Variants in ARHGEF11 observed in about 807,000 individuals in gnomAD.
The protein encoded by ARHGEF11 is Rho guanine nucleotide exchange factor 11, also known as Rho guanine exchange factor (GEF) 11.
Under a neutral mutation model 193.7 loss-of-function variants are expected in ARHGEF11, and 55 were observed. The observed-to-expected ratio is 0.28, with a 90% CI of 0.23 to 0.36. The LOEUF (loss-of-function observed/expected upper bound fraction) is 0.36, where lower values mean the gene tolerates loss of function less well. Ranked by LOEUF, ARHGEF11 falls within the 10% of genes least tolerant of loss-of-function variation. ARHGEF11 has a pLI of 1.00. For missense variants in ARHGEF11, 1,723 were observed against 2,005.6 expected (o/e 0.86, Z 2.69); for synonymous variants, 693 against 768.0 (o/e 0.90, Z 1.62).
At chr1:156,980,307 C>A in intron 4 of ARHGEF11, 130 bp downstream of exon 4, 1 of 1,052,546 alleles carries the variant, frequency 9.5e-7, no homozygotes, top group Non-Finnish European at 1.4e-6. Flanking sequence ...TCGTATGGTA[C>A]CACTCCTAAC....
At chr1:156,945,415 C>T (rs573780172) in intron 29 of ARHGEF11, 17 of 557,952 alleles carry the variant, frequency 3.0e-5, no homozygotes, top group Admixed American at 1.0e-4. Context: ...GCTTTGAAGA[C>T]GCTGATAGCT....
chr1:156,970,170 C>A, intron 8 of ARHGEF11, 127 bp from the exon 9 acceptor site: 1 of 746,470 alleles, frequency 1.3e-6, no homozygotes, highest in South Asian at 1.7e-5. Flanking sequence ...CTCAAAAATG[C>A]CCAGCTAGAA....
At chr1:156,955,388 AGGG>A (rs1278215830) in intron 20 of ARHGEF11, among the ~76,000 whole-genome samples, 3 of 152,168 alleles carry the variant, frequency 2.0e-5, no homozygotes, top group African/African-American at 4.8e-5. Flanking sequence ...ATGAAGGTGA[AGGG>A]GGCATTTTCT....
intron 1 of ARHGEF11, among the ~76,000 whole-genome samples, chr1:156,994,159 A>G (rs1666152059): frequency 6.6e-6 from 1 of 152,152 alleles, no homozygotes. Context: ...TTAGTCTGTC[A>G]TCTCTTTTAG....
chr1:156,939,428 C>A (rs1196889263), intron 37 of ARHGEF11, 120 bp downstream of exon 37: 5 of 1,409,968 alleles, frequency 3.5e-6, no homozygotes, highest in Non-Finnish European at 4.9e-6. Context: ...CAGGACCCAG[C>A]GTAGGTCTCT....
intron 1 of ARHGEF11, among the ~76,000 whole-genome samples, chr1:156,990,474 C>T (rs1429800037): frequency 6.6e-6 from 1 of 152,182 alleles, no homozygotes; most frequent in Admixed American, 6.5e-5. Context: ...TTCCAACAAT[C>T]TCTCATCCAA....
Position 156,944,263 on chromosome 1 carries a change from C to T in ARHGEF11, c.3067+95G>A. 4.7e-6 allele frequency: 7 copies of T among 1,474,274 alleles called. No individual in the cohort carries two copies. The South Asian group carries it at 7.2e-5, about 15-fold the overall frequency. The allele number at this position is 1,474,274 out of a possible 1,614,324, so 91.3% of individuals were successfully genotyped here. On this transcript the variant is annotated intron_variant, in intron 31 of 40. Coordinates refer to ENST00000368194, the MANE Select transcript of ARHGEF11 (RefSeq NM_198236.3). ...CCCTTCCCATGTCCTGAGCTATCAC[C>T]TCCAGTCATGTTTCCATGCTTGGGA...
At chr1:157,017,706 C>CAAAAAAAAAA (rs1047573559) in intron 1 of ARHGEF11, among the ~76,000 whole-genome samples, 1 of 41,546 alleles carries the variant, frequency 2.4e-5, no homozygotes, top group Non-Finnish European at 5.2e-5. Context: ...GACTCCGTCT[C>CAAAAAAAAAA]AAAAAAAAAA....
intron 1 of ARHGEF11, among the ~76,000 whole-genome samples, chr1:157,014,910 C>T (rs1669017954): frequency 6.6e-6 from 1 of 152,154 alleles, no homozygotes; most frequent in African/African-American, 2.4e-5. Flanking sequence ...TGTAACAATG[C>T]GGACTCTCAT....
Position 156,947,030 on chromosome 1 carries a change from G to T in ARHGEF11, c.2489-15C>A, listed in dbSNP as rs199794466. Reference sequence around the variant, plus strand: ...ACACCAGGAATCTGGGGCAGGAAGAGAACAAATAGAAATGCCTGGGGTTGA... The same window carrying T: ...ACACCAGGAATCTGGGGCAGGAAGATAACAAATAGAAATGCCTGGGGTTGA... On this transcript the variant is annotated splice_polypyrimidine_tract_variant and intron_variant, in intron 26 of 40. Coordinates refer to ENST00000368194, the MANE Select transcript of ARHGEF11 (RefSeq NM_198236.3). The T allele has an allele frequency of 6.2e-7, 1 of 1,614,114 alleles. No homozygotes were observed. The highest frequency in any genetic ancestry group is 1.7e-5 in the Admixed American group (1 of 60,026).
In ARHGEF11 at chr1:156,946,784, C is replaced by G. The variant is rs768326569; in HGVS notation, c.2572G>C (p.Asp858His). ...EISDLMLARF[D>H]GPAREELQQV... ...TGGAGTTCCTCTCGGGCAGGGCCAT[C>G]AAACTGAAGAGGCAGAATGGACACG... Residue 858 changes from aspartate to histidine, a missense_variant, in exon 28 of 41, where the codon GAT becomes CAT. Physicochemically the swap from Asp to His is moderately conservative, Grantham distance 81. This residue lies in a region of ARHGEF11 where 491 missense variants were observed against 654.5 expected (regional missense o/e 0.75). Coordinates refer to ENST00000368194, the MANE Select transcript of ARHGEF11 (RefSeq NM_198236.3). 2.5e-6 allele frequency: 4 copies of G among 1,614,196 alleles called. No individual in the cohort carries two copies. Among genetic ancestry groups the G allele is most frequent in the Non-Finnish European group, 3.4e-6 (4 of 1,180,034 alleles).
chr1:156,961,835 CT>C, intron 13 of ARHGEF11, 60 bp from the exon 14 acceptor site: 2 of 1,496,380 alleles, frequency 1.3e-6, no homozygotes, highest in South Asian at 1.1e-5. Flanking sequence ...ATTTTGCCCC[CT>C]AGGGGACGTT....
At chr1:156,949,176 G>T in intron 22 of ARHGEF11, 1 of 951,162 alleles carries the variant, frequency 1.1e-6, no homozygotes. Context: ...TGTGCTTAAA[G>T]GGGCCTTTTT....
chr1:156,956,372 T>C (rs779549601), intron 19 of ARHGEF11, 48 bp downstream of exon 19: 3 of 1,599,688 alleles, frequency 1.9e-6, no homozygotes, highest in East Asian at 4.5e-5. Context: ...GCCTTGGCAT[T>C]CCAAAGTACT....
intron 3 of ARHGEF11, among the ~76,000 whole-genome samples, chr1:156,983,206 C>T (rs553245408): frequency 5.9e-5 from 9 of 151,946 alleles, no homozygotes; most frequent in African/African-American, 1.9e-4. Flanking sequence ...CACCCACTGC[C>T]TTTCTTTTTT....
In ARHGEF11 at chr1:157,027,371, G is replaced by C. The variant is rs1571565427; in HGVS notation, c.32+16928C>G. 3.3e-5 allele frequency among the ~76,000 whole-genome samples: 5 copies of C among 152,162 alleles called. No individual in the cohort carries two copies. In the South Asian group the frequency reaches 1.0e-3, roughly 32 times the overall value. On this transcript the variant is annotated intron_variant, in intron 1 of 40. Transcript: ENST00000368194. The stretch of plus-strand genomic sequence containing the variant: ...CACTCCAGTCTGGGTGACAGAGTGA[G>C]ACCCTGTCTCACACACAAAAAAAAG...
At chr1:157,042,409 T>C (rs780462661) in intron 1 of ARHGEF11, among the ~76,000 whole-genome samples, 7 of 152,076 alleles carry the variant, frequency 4.6e-5, no homozygotes, top group Non-Finnish European at 8.8e-5. Context: ...TAGTTAGACA[T>C]GATGGGGCAA....
At chr1:156,950,722 C>G (rs1212082997) in intron 22 of ARHGEF11, among the ~76,000 whole-genome samples, 1 of 152,226 alleles carries the variant, frequency 6.6e-6, no homozygotes, top group Non-Finnish European at 1.5e-5. Context: ...CTGCTGCATA[C>G]TGACTTGCTT....
At position 157,044,499 on chromosome 1, in the gene ARHGEF11, T is replaced by A; in HGVS notation, c.-169A>T. 2 of 549,274 alleles carry A rather than the reference T, an allele frequency of 3.6e-6. No homozygotes were observed. Among genetic ancestry groups the A allele is most frequent in the Non-Finnish European group, 6.6e-6 (2 of 304,428 alleles). The allele number at this position is 549,274 out of a possible 1,614,324, so 34.0% of individuals were successfully genotyped here. A position where few individuals can be genotyped will look rare whatever the true frequency, so the allele number is the denominator to read the frequency against. The stretch of plus-strand genomic sequence containing the variant: ...CTGGTAACTGATGCTCCACTCTACT[T>A]CTACCAGTGAACATGATTTCCTTTC... On this transcript the variant is annotated 5_prime_UTR_variant, in exon 1 of 41. Coordinates refer to ENST00000368194, the MANE Select transcript of ARHGEF11 (RefSeq NM_198236.3).
Sources: allele counts gnomAD v4.1 joint callset (sites outside exome capture counted in the v4.1 genomes callset), GRCh38; gene constraint gnomAD v4.1.1; regional missense constraint gnomAD v4.1.1; transcripts MANE v1.5; gene names NCBI Gene and HGNC (gene_info 2026-07-23, HGNC 2026-07-21).